SLC11A1: variants seen among roughly 807,000 people sequenced by gnomAD.
SLC11A1 encodes natural resistance-associated macrophage protein 1.
Under a neutral mutation model 63.2 loss-of-function variants are expected in SLC11A1, and 59 were observed. That is an observed-to-expected ratio of 0.93 (90% CI 0.76 to 1.16). The LOEUF (loss-of-function observed/expected upper bound fraction) is 1.16. SLC11A1 is among the 50% of genes most tolerant of loss of function. The probability of loss-of-function intolerance (pLI) is 0.00; values close to 1 mark genes in which losing one functional copy is unlikely to be tolerated. For synonymous variants in SLC11A1, 305 were observed against 307.8 expected, an observed-to-expected ratio of 0.99 and a Z score of 0.09; for missense variants, 688 against 730.7, an observed-to-expected ratio of 0.94 and a Z score of 0.67.
In SLC11A1 at chr2:218,385,250, A is replaced by G. The variant is rs745750989; in HGVS notation, c.377A>G (p.His126Arg). Reference protein sequence around the residue: ...VTGKDLGEVCHLYYPKVPRTV... With the variant: ...VTGKDLGEVCRLYYPKVPRTV... ...GGCAAGGACTTGGGCGAGGTCTGCC[A>G]TCTCTACTACCCTAAGGTGAGCTTG... Residue 126 changes from histidine to arginine, a missense_variant, in exon 4 of 15, where the codon CAT becomes CGT. Transcript: ENST00000233202. The G allele has an allele frequency of 4.3e-6, 7 of 1,614,004 alleles. No individual in the cohort carries two copies. The highest frequency in any genetic ancestry group is 5.9e-6 in the Non-Finnish European group (7 of 1,179,880).
chr2:218,384,277 CG>C lies in SLC11A1; in HGVS notation c.189del (p.Pro64LeufsTer5). ...AGCCTGCGGAAGCTATGGGCCTTCACGGGGCCTGGCTTCCTCATGAGCATTG... is the reference window on the plus strand; with the variant it reads ...AGCCTGCGGAAGCTATGGGCCTTCACGGGCCTGGCTTCCTCATGAGCATTG... ...TFSLRKLWAF[T>X]GPGFLMSIAF... On this transcript the variant is annotated frameshift_variant, in exon 3 of 15. Transcript: ENST00000233202. LOFTEE classifies it high-confidence loss of function. This position sits in a 1 kb window ranked among gnomAD's most constrained non-coding sequence, Gnocchi z 4.0. The C allele has an allele frequency of 1.2e-6, 2 of 1,607,004 alleles. No individual in the cohort carries two copies. Among genetic ancestry groups the C allele is most frequent in the Non-Finnish European group, 1.7e-6 (2 of 1,175,042 alleles).
intron 2 of SLC11A1, 114 bp downstream of exon 2, chr2:218,383,216 C>T: frequency 8.0e-7 from 1 of 1,249,324 alleles, no homozygotes; most frequent in Non-Finnish European, 1.1e-6. Context: ...CCTTCCAGGT[C>T]TGAGCAGCAG....
At chr2:218,394,073 A>T in intron 12 of SLC11A1, 47 bp from the exon 13 acceptor site, 1 of 1,605,642 alleles carries the variant, frequency 6.2e-7, no homozygotes, top group Non-Finnish European at 8.5e-7. Context: ...CCCTTGCCAT[A>T]TTCTGAGGCA....
At position 218,387,142 on chromosome 2, in the gene SLC11A1, G is replaced by T; in HGVS notation, c.501-18G>T. On this transcript the variant is annotated intron_variant, in intron 5 of 14. Transcript: ENST00000233202. Reference sequence around the variant, plus strand: ...CCCCTGGACCAGGCTGGGCTGACCCGGGCCACTCTGGTTTCAGAATCCCAC... The same window carrying T: ...CCCCTGGACCAGGCTGGGCTGACCCTGGCCACTCTGGTTTCAGAATCCCAC... 6.2e-7 allele frequency: 1 copy of T among 1,613,420 alleles called. No individual in the cohort carries two copies. Among genetic ancestry groups the T allele is most frequent in the South Asian group, 1.1e-5 (1 of 91,078 alleles).
chr2:218,391,167 C>T (rs774629766), intron 9 of SLC11A1, 31 bp from the exon 10 acceptor site: 1 of 1,602,522 alleles, frequency 6.2e-7, no homozygotes, highest in East Asian at 2.2e-5. Context: ...GTGCTCCTCA[C>T]ATCTTCCTTC....
intron 11 of SLC11A1, 24 bp from the exon 12 acceptor site, chr2:218,392,957 C>T: frequency 6.4e-7 from 1 of 1,570,332 alleles, no homozygotes; most frequent in South Asian, 1.2e-5. Context: ...CTACTCCTCA[C>T]CAAGGAGTTC....
Position 218,390,197 on chromosome 2 carries a change from A to G in SLC11A1, c.954+169A>G, listed in dbSNP as rs150116100. On this transcript the variant is annotated intron_variant, in intron 9 of 14. Transcript: ENST00000233202. Reference sequence around the variant, plus strand: ...CAAATAATCATTGAGCATTTGTTATATACCAAGCACATCCTAGACCCTGGG... The same window carrying G: ...CAAATAATCATTGAGCATTTGTTATGTACCAAGCACATCCTAGACCCTGGG... Among the ~76,000 whole-genome samples, 821 of 152,274 alleles carry G rather than the reference A, an allele frequency of 5.4e-3. 5 individuals carry two copies. Among genetic ancestry groups the G allele is most frequent in the Middle Eastern group, 0.02 (6 of 294 alleles).
chr2:218,387,666 C>T (rs200043869), intron 7 of SLC11A1, 34 bp downstream of exon 7: 1 of 1,613,064 alleles, frequency 6.2e-7, no homozygotes, highest in Non-Finnish European at 8.5e-7. Flanking sequence ...CACTGTGGAC[C>T]TCCCAAGATC....
intron 11 of SLC11A1, chr2:218,392,408 T>C: frequency 6.0e-6 from 1 of 167,162 alleles, no homozygotes; most frequent in Non-Finnish European, 1.3e-5. Context: ...TTGCTCAGGC[T>C]GGAGTGCAAT....
Position 218,386,758 on chromosome 2 carries a change from C to T in SLC11A1, c.500+17C>T, listed in dbSNP as rs922772160. Reference sequence around the variant, plus strand: ...AGCTGGACGGTACCACCCCAGTGTACCCCAACTCTTCAGGCCAGGCAGAGA... The same window carrying T: ...AGCTGGACGGTACCACCCCAGTGTATCCCAACTCTTCAGGCCAGGCAGAGA... On this transcript the variant is annotated intron_variant, in intron 5 of 14. Coordinates refer to ENST00000233202, the MANE Select transcript of SLC11A1 (RefSeq NM_000578.4). 5.0e-6 allele frequency: 8 copies of T among 1,586,916 alleles called. No individual in the cohort carries two copies. The highest frequency in any genetic ancestry group is 4.0e-5 in the African/African-American group (3 of 74,410).
At chr2:218,392,432 C>G (rs1696508612) in intron 11 of SLC11A1, 1 of 160,108 alleles carries the variant, frequency 6.2e-6, no homozygotes, top group African/African-American at 2.4e-5. Context: ...GCCATCACAG[C>G]TCGCTGCAGC....
rs138353509 is a variant in SLC11A1 at position 218,394,239 on chromosome 2, A to C, written c.1388+46A>C. On this transcript the variant is annotated intron_variant, in intron 13 of 14. Transcript: ENST00000233202. ...GTGCTGGATTGCATCACCACATTTC[A>C]TCCTCACAGCCACCCAGAGGTACGA... 199 of 1,565,646 alleles carry C rather than the reference A, an allele frequency of 1.3e-4. 1 individual carries two copies. In the East Asian group the frequency reaches 4.4e-3, roughly 34 times the overall value.
chr2:218,394,272 T>G lies in SLC11A1; in HGVS notation c.1388+79T>G, dbSNP rs1424837859. ...AGCCACCCAGAGGTACGAGCTACAA[T>G]TCTCCCCATTATCCCAATGAAGCCA... is the stretch of plus-strand genomic sequence containing the variant. On this transcript the variant is annotated intron_variant, in intron 13 of 14. Transcript: ENST00000233202. 3 of 1,397,860 alleles carry G rather than the reference T, an allele frequency of 2.1e-6. No individual in the cohort carries two copies. In the East Asian group the frequency reaches 7.0e-5, roughly 33 times the overall value. 86.6% of individuals were successfully genotyped at this position (1,397,860 alleles called of 1,614,324 possible).
intron 9 of SLC11A1, among the ~76,000 whole-genome samples, chr2:218,390,461 ACT>A (rs1425985807): frequency 1.3e-5 from 2 of 151,996 alleles, no homozygotes; most frequent in African/African-American, 4.8e-5. Flanking sequence ...CTCCTCCCTG[ACT>A]CTCTGGGATC....
chr2:218,382,954 C>T lies in SLC11A1; in HGVS notation c.8-6C>T. 6.2e-7 allele frequency: 1 copy of T among 1,614,054 alleles called. No individual in the cohort carries two copies. The highest frequency in any genetic ancestry group is 8.5e-7 in the Non-Finnish European group (1 of 1,179,998). ...GACACTCACCATGCTTCATGGGCCC[C>T]CACAGGTGACAAGGGTCCCCAAAGG... On this transcript the variant is annotated splice_polypyrimidine_tract_variant and splice_region_variant and intron_variant, in intron 1 of 14. Transcript: ENST00000233202.
In SLC11A1 at chr2:218,383,094, A is replaced by G. The variant is rs1695892165; in HGVS notation, c.142A>G (p.Thr48Ala). 1.9e-6 allele frequency: 3 copies of G among 1,613,596 alleles called. No homozygotes were observed. In the African/African-American group the frequency reaches 4.0e-5, roughly 22 times the overall value. The change falls in exon 2 of 15, where the codon ACA becomes GCA. Residue 48 changes from threonine to alanine, a missense_variant. Transcript: ENST00000233202. Reference protein sequence around the residue: ...YLSEKIPIPDTKPGTFSLRKL... With the variant: ...YLSEKIPIPDAKPGTFSLRKL... The stretch of plus-strand genomic sequence containing the variant: ...GAGTGAGAAGATCCCCATCCCAGAC[A>G]CAAAACCGGTGGGATGCTGGAAACT...
At chr2:218,387,466 C>A in intron 6 of SLC11A1, 99 bp from the exon 7 acceptor site, 2 of 1,232,488 alleles carry the variant, frequency 1.6e-6, no homozygotes, top group Non-Finnish European at 1.2e-6. Context: ...AAGCACTTGG[C>A]ACTGTGCCTA....
chr2:218,383,211 C>T (rs898674801), intron 2 of SLC11A1, 109 bp downstream of exon 2: 2 of 1,262,168 alleles, frequency 1.6e-6, no homozygotes, highest in Middle Eastern at 2.1e-4. Flanking sequence ...AAGTCCCTTC[C>T]AGGTCTGAGC....
At chr2:218,387,432 A>G (rs1574767470) in intron 6 of SLC11A1, 133 bp from the exon 7 acceptor site, 2 of 1,010,282 alleles carry the variant, frequency 2.0e-6, no homozygotes, top group Non-Finnish European at 3.0e-6. Flanking sequence ...GTGGTTGTGA[A>G]GACTGAGTGA....
Sources: allele counts gnomAD v4.1 joint callset (sites outside exome capture counted in the v4.1 genomes callset), GRCh38; gene constraint gnomAD v4.1.1; non-coding constraint Gnocchi (gnomAD v3.1); transcripts MANE v1.5; gene names NCBI Gene and HGNC (gene_info 2026-07-23, HGNC 2026-07-21).